The following TTLL11 variants were observed in gnomAD, a reference collection of about 807,000 sequenced individuals.
TTLL11 encodes tubulin polyglutamylase TTLL11.
In TTLL11, 42 loss-of-function variants were observed where a neutral mutation model predicts 51.7. The ratio of observed to expected loss-of-function variants is 0.81; its 90% CI spans 0.64 to 1.05. The LOEUF (loss-of-function observed/expected upper bound fraction) is 1.05, where lower values mean the gene tolerates loss of function less well. Ranked by LOEUF, TTLL11 falls within the 50% of genes least tolerant of loss-of-function variation. The pLI is 0.00. For synonymous variants in TTLL11, 381 were observed against 383.5 expected (o/e 0.99, Z 0.08); for missense variants, 799 against 940.4 (o/e 0.85, Z 1.97).
At chr9:121,845,231 G>A (rs1445271055) in intron 8 of TTLL11, among the ~76,000 whole-genome samples, 1 of 152,116 alleles carries the variant, frequency 6.6e-6, no homozygotes, top group Non-Finnish European at 1.5e-5. Context: ...CTAAAACCAT[G>A]CAAGCAAGAA....
chr9:121,923,425 AT>A (rs887234294), intron 6 of TTLL11, among the ~76,000 whole-genome samples: 1 of 151,424 alleles, frequency 6.6e-6, no homozygotes, highest in Non-Finnish European at 1.5e-5. Flanking sequence ...GGGTTGGAGT[AT>A]TTTTTTCCAT....
chr9:121,899,365 G>GTGTATA (rs1226221957), intron 6 of TTLL11, among the ~76,000 whole-genome samples: 1 of 113,240 alleles, frequency 8.8e-6, no homozygotes, highest in Admixed American at 1.0e-4. Context: ...ATGTGTGTGT[G>GTGTATA]TATATATATA....
intron 6 of TTLL11, among the ~76,000 whole-genome samples, chr9:121,888,696 A>G (rs1379269567): frequency 6.6e-6 from 1 of 152,242 alleles, no homozygotes; most frequent in Non-Finnish European, 1.5e-5. Context: ...AACTACGAGC[A>G]GGGGGGTGCT....
chr9:121,926,383 A>G (rs1179431163), intron 6 of TTLL11, among the ~76,000 whole-genome samples: 1 of 152,200 alleles, frequency 6.6e-6, no homozygotes, highest in African/African-American at 2.4e-5. Context: ...TTAGAATCCA[A>G]AAATAACTCC....
chr9:121,911,107 G>A (rs1425952280), intron 6 of TTLL11, among the ~76,000 whole-genome samples: 1 of 152,164 alleles, frequency 6.6e-6, no homozygotes, highest in Non-Finnish European at 1.5e-5. Flanking sequence ...CTGGTTCTCA[G>A]AATAGCCCTA....
intron 6 of TTLL11, among the ~76,000 whole-genome samples, chr9:121,924,612 G>T (rs1021291656): frequency 6.6e-6 from 1 of 152,100 alleles, no homozygotes; most frequent in Non-Finnish European, 1.5e-5. Flanking sequence ...GAGGACAGAG[G>T]AGAAGATGAC....
At chr9:121,949,621 T>C (rs1841788346) in intron 6 of TTLL11, among the ~76,000 whole-genome samples, 1 of 152,086 alleles carries the variant, frequency 6.6e-6, no homozygotes, top group South Asian at 2.1e-4. Context: ...CAAATCTAGG[T>C]GTCTGACACC....
chr9:121,882,587 G>T (rs1282799063), intron 6 of TTLL11, among the ~76,000 whole-genome samples: 1 of 152,076 alleles, frequency 6.6e-6, no homozygotes, highest in Non-Finnish European at 1.5e-5. Flanking sequence ...ACCCTTAGTA[G>T]TAGGTGGTCC....
chr9:122,057,446 G>A (rs377656369), intron 1 of TTLL11, among the ~76,000 whole-genome samples: 71 of 151,408 alleles, frequency 4.7e-4, no homozygotes, highest in Non-Finnish European at 8.1e-4. Context: ...CTCAGCCTTC[G>A]GAGTCAGTAA....
intron 1 of TTLL11, among the ~76,000 whole-genome samples, chr9:122,083,914 G>T (rs1846057755): frequency 6.6e-6 from 1 of 152,272 alleles, no homozygotes; most frequent in African/African-American, 2.4e-5. Flanking sequence ...GGGGGATGGG[G>T]TAGGTGGTTT....
intron 6 of TTLL11, among the ~76,000 whole-genome samples, chr9:121,962,814 C>T (rs557250033): frequency 1.3e-5 from 2 of 152,358 alleles, no homozygotes; most frequent in African/African-American, 4.8e-5. Context: ...CACCGCCTCA[C>T]TGACCATAGA....
intron 4 of TTLL11, among the ~76,000 whole-genome samples, chr9:121,980,682 A>G (rs1204863865): frequency 6.6e-6 from 1 of 152,238 alleles, no homozygotes; most frequent in East Asian, 1.9e-4. Context: ...AGGATGATAA[A>G]TCATGCTGCT....
At chr9:121,958,382 T>C (rs1842088923) in intron 6 of TTLL11, among the ~76,000 whole-genome samples, 1 of 152,186 alleles carries the variant, frequency 6.6e-6, no homozygotes, top group Admixed American at 6.5e-5. Flanking sequence ...CGAAGAGACT[T>C]CACCCCCTTT....
rs561638866 is a variant in TTLL11 at position 121,970,535 on chromosome 9, G to A, written c.1481+3474C>T. On this transcript the variant is annotated intron_variant, in intron 6 of 8. Transcript: ENST00000321582. Reference sequence around the variant, plus strand: ...TGCTGATGTGTCTCAAAAAGTGGGCGAATGATATGAACAGACACTTCTCAA... The same window carrying A: ...TGCTGATGTGTCTCAAAAAGTGGGCAAATGATATGAACAGACACTTCTCAA... Among the ~76,000 whole-genome samples, 23 of 152,210 alleles carry A rather than the reference G, an allele frequency of 1.5e-4. No homozygotes were observed. The East Asian group carries it at 3.9e-3, about 26-fold the overall frequency.
intron 6 of TTLL11, among the ~76,000 whole-genome samples, chr9:121,928,519 C>A (rs1383129625): frequency 6.6e-6 from 1 of 151,020 alleles, no homozygotes; most frequent in Non-Finnish European, 1.5e-5. Flanking sequence ...CGGTTCACTG[C>A]AATCTCCACC....
chr9:121,982,897 C>T (rs931206966), intron 4 of TTLL11, among the ~76,000 whole-genome samples: 14 of 152,026 alleles, frequency 9.2e-5, no homozygotes, highest in African/African-American at 3.1e-4. Flanking sequence ...TCTTGTAGAC[C>T]ATGAGAAGGA....
chr9:122,012,807 TC>T (rs1843850734), intron 3 of TTLL11, among the ~76,000 whole-genome samples: 1 of 152,188 alleles, frequency 6.6e-6, no homozygotes, highest in East Asian at 1.9e-4. Context: ...CATCTCAAGA[TC>T]AGATTTTTAT....
chr9:121,825,171 C>T (rs368836206), intron 8 of TTLL11, among the ~76,000 whole-genome samples: 166 of 152,276 alleles, frequency 1.1e-3, no homozygotes, highest in African/African-American at 3.7e-3. Flanking sequence ...CAGCTCTGGG[C>T]CAGGCCTCTC....
intron 6 of TTLL11, among the ~76,000 whole-genome samples, chr9:121,921,685 A>G (rs190166845): frequency 6.6e-6 from 1 of 152,312 alleles, no homozygotes; most frequent in Admixed American, 6.5e-5. Context: ...ATCACAAGTT[A>G]TGAGTCACTC....
Sources: allele counts gnomAD v4.1 joint callset (sites outside exome capture counted in the v4.1 genomes callset), GRCh38; gene constraint gnomAD v4.1.1; transcripts MANE v1.5; gene names NCBI Gene and HGNC (gene_info 2026-07-23, HGNC 2026-07-21).